The following PCDHGA8 variants were observed in gnomAD, a reference collection of about 807,000 sequenced individuals.
PCDHGA8 encodes protocadherin gamma subfamily A, 8.
PCDHGA8 carries 45 observed loss-of-function variants against 59.2 expected under a neutral mutation model. The observed-to-expected ratio is 0.76, with a 90% confidence interval of 0.60 to 0.98. The LOEUF (loss-of-function observed/expected upper bound fraction) is 0.98, where lower values mean the gene tolerates loss of function less well. Ranked by LOEUF, PCDHGA8 falls within the 50% of genes least tolerant of loss-of-function variation. The pLI, the probability that PCDHGA8 is intolerant of heterozygous loss-of-function variation, is 0.00. For missense variants in PCDHGA8, 1,257 were observed against 1,196.2 expected, an observed-to-expected ratio of 1.05 and a Z score of -0.75; for synonymous variants, 531 against 519.0, an observed-to-expected ratio of 1.02 and a Z score of -0.32.
intron 1 of PCDHGA8, chr5:141,478,583 C>G: frequency 6.3e-7 from 1 of 1,578,146 alleles, no homozygotes; most frequent in Non-Finnish European, 8.6e-7. Context: ...CCTGTTAGTG[C>G]TTTTTTATTC....
intron 1 of PCDHGA8, among the ~76,000 whole-genome samples, chr5:141,483,630 G>A (rs2099583876): frequency 6.7e-6 from 1 of 149,714 alleles, no homozygotes; most frequent in African/African-American, 2.5e-5. Flanking sequence ...ATGGGAGAAG[G>A]TATAGAGGGG....
chr5:141,494,882 C>T lies in PCDHGA8; in HGVS notation c.2483+17C>T, dbSNP rs771484301. On this transcript the variant is annotated intron_variant, in intron 2 of 3. Transcript: ENST00000398604. ...CACCAGCGGGTAGGTGACTGATTCT[C>T]CAGCCCACCCTCTTCTCTGCGGCAT... is the stretch of plus-strand genomic sequence containing the variant. 35 of 1,614,128 alleles carry T rather than the reference C, an allele frequency of 2.2e-5. No homozygotes were observed. The highest frequency in any genetic ancestry group is 3.3e-4 in the Middle Eastern group (2 of 6,060).
intron 1 of PCDHGA8, among the ~76,000 whole-genome samples, chr5:141,425,504 T>A (rs1049969153): frequency 2.6e-5 from 4 of 152,260 alleles, no homozygotes; most frequent in Non-Finnish European, 5.9e-5. Flanking sequence ...TACCTTTATA[T>A]TCTCTTTATG....
chr5:141,476,521 C>T lies in PCDHGA8; in HGVS notation c.2425-18286C>T. On this transcript the variant is annotated intron_variant, in intron 1 of 3. Transcript: ENST00000398604. The surrounding 1 kb of genome is among the most constrained non-coding windows in gnomAD (Gnocchi z 7.6). ...ACATCAACGACAACAATCCTGCTTT[C>T]CCTACCCAGGAAATGAAATTGGAGA... 4 of 1,614,214 alleles carry T rather than the reference C, an allele frequency of 2.5e-6. No homozygotes were observed. The highest frequency in any genetic ancestry group is 3.4e-6 in the Non-Finnish European group (4 of 1,180,036).
intron 1 of PCDHGA8, among the ~76,000 whole-genome samples, chr5:141,473,831 A>G (rs950283433): frequency 1.3e-5 from 2 of 152,252 alleles, no homozygotes; most frequent in African/African-American, 4.8e-5. Context: ...GTGTGATCCA[A>G]TTAAAATTTT....
chr5:141,404,840 C>G lies in PCDHGA8; in HGVS notation c.2424+9603C>G, dbSNP rs377389968. ...GCACACAGGTGAAGTGCGCACAGCT[C>G]GGGCCCTGCTAGATAGAGATGCGCT... is the stretch of plus-strand genomic sequence containing the variant. On this transcript the variant is annotated intron_variant, in intron 1 of 3. Transcript: ENST00000398604. 4 of 1,613,698 alleles carry G rather than the reference C, an allele frequency of 2.5e-6. No individual in the cohort carries two copies. In the Admixed American group the frequency reaches 5.0e-5, roughly 20 times the overall value.
intron 1 of PCDHGA8, chr5:141,423,468 A>G (rs1474468597): frequency 6.2e-7 from 1 of 1,613,960 alleles, no homozygotes; most frequent in Admixed American, 1.7e-5. Flanking sequence ...TGGACGGGGT[A>G]CAGGCTTTCC....
At chr5:141,399,511 C>A (rs1252813422) in intron 1 of PCDHGA8, 1 of 1,613,924 alleles carries the variant, frequency 6.2e-7, no homozygotes, top group African/African-American at 1.3e-5. Flanking sequence ...CGAAAACAAC[C>A]CTCCTGGGGC....
intron 2 of PCDHGA8, 103 bp from the exon 3 acceptor site, chr5:141,505,290 G>A: frequency 3.2e-6 from 5 of 1,564,680 alleles, no homozygotes; most frequent in Non-Finnish European, 4.3e-6. Context: ...TTGGGCATGG[G>A]GTAGGGTTAG....
At chr5:141,420,211 T>C (rs759486952) in intron 1 of PCDHGA8, 11 of 1,612,388 alleles carry the variant, frequency 6.8e-6, no homozygotes, top group African/African-American at 1.3e-5. Context: ...TCAACAAAGA[T>C]AGCATGCTAC....
intron 2 of PCDHGA8, among the ~76,000 whole-genome samples, chr5:141,498,825 C>A (rs2099786017): frequency 6.6e-6 from 1 of 151,974 alleles, no homozygotes; most frequent in Admixed American, 6.6e-5. Flanking sequence ...CCCAGCTACT[C>A]AGGAGGCTGA....
In PCDHGA8 at chr5:141,410,593, G is replaced by C. The variant is rs921521742; in HGVS notation, c.2424+15356G>C. ...TTCCACCTCATGGTGGGGAGGATTT[G>C]ACTTCACATCCTGAGACTCTGACTT... On this transcript the variant is annotated intron_variant, in intron 1 of 3. Coordinates refer to ENST00000398604, the MANE Select transcript of PCDHGA8 (RefSeq NM_032088.2). The C allele has an allele frequency of 2.5e-6, 4 of 1,608,934 alleles. No individual in the cohort carries two copies. In the African/African-American group the frequency reaches 5.3e-5, roughly 21 times the overall value.
At chr5:141,422,333 T>C in intron 1 of PCDHGA8, 1 of 1,549,594 alleles carries the variant, frequency 6.5e-7, no homozygotes, top group Non-Finnish European at 8.7e-7. Flanking sequence ...GTGATTGCTC[T>C]TCTAAATGTG....
At position 141,430,782 on chromosome 5, in the gene PCDHGA8, G is replaced by C. The variant is rs1220976669; in HGVS notation, c.2424+35545G>C. 2.0e-6 allele frequency: 3 copies of C among 1,510,858 alleles called. No individual in the cohort carries two copies. The East Asian group carries it at 6.9e-5, about 35-fold the overall frequency. 93.6% of individuals were successfully genotyped at this position (1,510,858 alleles called of 1,614,324 possible). A position where few individuals can be genotyped will look rare whatever the true frequency, so the allele number is the denominator to read the frequency against. ...AGAATGATTCCTGCGCGACTGCACC[G>C]GGACTACAAAGGGCTTGTCCTGCTG... On this transcript the variant is annotated intron_variant, in intron 1 of 3. Coordinates refer to ENST00000398604, the MANE Select transcript of PCDHGA8 (RefSeq NM_032088.2).
intron 1 of PCDHGA8, among the ~76,000 whole-genome samples, chr5:141,484,184 AG>A (rs1328674334): frequency 6.6e-6 from 1 of 152,244 alleles, no homozygotes; most frequent in Non-Finnish European, 1.5e-5. Flanking sequence ...CAATCATTCA[AG>A]GAAGCTATTA....
chr5:141,484,716 G>C (rs1375103858), intron 1 of PCDHGA8, among the ~76,000 whole-genome samples: 1 of 152,030 alleles, frequency 6.6e-6, no homozygotes, highest in African/African-American at 2.4e-5. Context: ...CGCCGAAAAG[G>C]GGCGGGGTCA....
At chr5:141,415,879 T>C (rs1002596454) in intron 1 of PCDHGA8, 1 of 1,003,176 alleles carries the variant, frequency 1.0e-6, no homozygotes, top group African/African-American at 1.7e-5. Context: ...TTGAGTACAA[T>C]ATTGACAATT....
At chr5:141,428,018 C>A in intron 1 of PCDHGA8, 12 of 1,604,570 alleles carry the variant, frequency 7.5e-6, no homozygotes, top group Middle Eastern at 1.7e-4. Context: ...TAGTGCCACG[C>A]GCCGCAGAGT....
intron 1 of PCDHGA8, chr5:141,421,164 A>G (rs1304650780): frequency 1.6e-6 from 2 of 1,286,298 alleles, no homozygotes; most frequent in African/African-American, 1.5e-5. Flanking sequence ...GACTTCATAG[A>G]TACATAAGCC....
Sources: gnomAD v4.1 joint callset for allele counts (sites outside exome capture counted in the v4.1 genomes callset) on GRCh38, gnomAD v4.1.1 for gene constraint, Gnocchi (gnomAD v3.1) non-coding constraint, MANE v1.5 for transcripts, NCBI Gene and HGNC (gene_info 2026-07-23, HGNC 2026-07-21) for gene names.